Variants in ADGRD1 observed in about 807,000 individuals in gnomAD.
The protein encoded by ADGRD1 is G-protein coupled receptor 133.
In ADGRD1, 77 loss-of-function variants were observed where a neutral mutation model predicts 113.4. The observed-to-expected ratio is 0.68, with a 90% CI of 0.57 to 0.82. The LOEUF is 0.82. ADGRD1 is among the 40% of genes least tolerant of loss of function. The pLI is 0.00. For missense variants in ADGRD1, 1,036 were observed against 1,139.1 expected, an observed-to-expected ratio of 0.91 and a Z score of 1.30; for synonymous variants, 474 against 475.0, an observed-to-expected ratio of 1.00 and a Z score of 0.03.
At chr12:130,964,666 C>A (rs919063180) in intron 2 of ADGRD1, among the ~76,000 whole-genome samples, 1 of 152,186 alleles carries the variant, frequency 6.6e-6, no homozygotes, top group Non-Finnish European at 1.5e-5. Flanking sequence ...GCCTGGGCAA[C>A]AACAGCGAAG....
rs777560753 is a variant in ADGRD1, at chr12:131,104,891, G to A, written c.1732G>A (p.Val578Met). The A allele has an allele frequency of 4.8e-5, 75 of 1,551,400 alleles. No homozygotes were observed. The highest frequency in any genetic ancestry group is 4.5e-5 in the Non-Finnish European group (52 of 1,147,272). Reference protein sequence around the residue: ...SISYVGCSLSVLCLVATLVTF... With the variant: ...SISYVGCSLSMLCLVATLVTF... ...CAGCTATGTGGGCTGCTCCCTCTCC[G>A]TGCTCTGCCTGGTGGCCACGCTGGT... Residue 578 changes from valine to methionine, a missense_variant, in exon 16 of 25, where the codon GTG becomes ATG. Transcript: ENST00000261654.
chr12:131,005,928 G>A (rs1877047921), intron 11 of ADGRD1, 44 bp from the exon 12 acceptor site: 1 of 1,498,910 alleles, frequency 6.7e-7, no homozygotes, highest in Non-Finnish European at 9.2e-7. Flanking sequence ...TCCTGCCTGT[G>A]GCCTGGAGCG....
intron 15 of ADGRD1, among the ~76,000 whole-genome samples, chr12:131,094,999 C>T (rs951500217): frequency 7.2e-5 from 11 of 151,768 alleles, no homozygotes; most frequent in African/African-American, 2.7e-4. Flanking sequence ...TCCCTCGAGA[C>T]GCCCCCTCTC....
At chr12:131,126,967 G>A (rs1052326225) in intron 20 of ADGRD1, among the ~76,000 whole-genome samples, 4 of 152,098 alleles carry the variant, frequency 2.6e-5, no homozygotes, top group Admixed American at 2.6e-4. Flanking sequence ...TCAGATTTGT[G>A]CCACTCGCAG....
At chr12:130,957,804 C>G (rs1239545212) in intron 2 of ADGRD1, 2 of 152,296 alleles carry the variant, frequency 1.3e-5, no homozygotes, top group Non-Finnish European at 2.9e-5. Context: ...TGTGGAAAAG[C>G]ACAGTGAAGG....
intron 2 of ADGRD1, among the ~76,000 whole-genome samples, chr12:130,960,091 T>A (rs1486202624): frequency 1.3e-5 from 2 of 152,162 alleles, no homozygotes; most frequent in Non-Finnish European, 2.9e-5. Flanking sequence ...TTAATCTGAA[T>A]CCATAAATGG....
At chr12:131,062,113 G>A (rs940940809) in intron 13 of ADGRD1, among the ~76,000 whole-genome samples, 4 of 152,032 alleles carry the variant, frequency 2.6e-5, no homozygotes, top group Non-Finnish European at 4.4e-5. Flanking sequence ...TGCAACCTCC[G>A]CCTCCCAGAT....
At chr12:131,068,577 G>C (rs1380575617) in intron 13 of ADGRD1, among the ~76,000 whole-genome samples, 1 of 152,150 alleles carries the variant, frequency 6.6e-6, no homozygotes, top group Non-Finnish European at 1.5e-5. Flanking sequence ...ATGAACCCCT[G>C]ACTATTCTCA....
intron 13 of ADGRD1, among the ~76,000 whole-genome samples, chr12:131,029,492 C>CT (rs1880362646): frequency 6.6e-6 from 1 of 151,570 alleles, no homozygotes; most frequent in South Asian, 2.1e-4. Flanking sequence ...TTGTGGGACT[C>CT]TCGTACGGTG....
intron 3 of ADGRD1, chr12:130,968,940 C>G (rs1208307954): frequency 8.3e-6 from 10 of 1,210,830 alleles, no homozygotes; most frequent in Non-Finnish European, 1.1e-5. Flanking sequence ...TTGTCTCACT[C>G]ACTTGCTGTG....
chr12:131,076,965 AT>A, intron 14 of ADGRD1, 91 bp downstream of exon 14: 1 of 1,020,820 alleles, frequency 9.8e-7, no homozygotes, highest in South Asian at 1.3e-5. Context: ...TGGGTCACCC[AT>A]TTCTGCAGCT....
intron 3 of ADGRD1, chr12:130,970,034 T>C (rs907745842): frequency 2.0e-5 from 3 of 152,240 alleles, no homozygotes; most frequent in African/African-American, 7.2e-5. Context: ...AAAATCAGCA[T>C]TTCGTCTGTA....
chr12:131,025,716 G>T (rs1384810170), intron 13 of ADGRD1: 1 of 152,168 alleles, frequency 6.6e-6, no homozygotes, highest in Non-Finnish European at 1.5e-5. Flanking sequence ...TGTAATTTTA[G>T]TAGTGACAGG....
chr12:131,120,397 C>G (rs1950564529), intron 19 of ADGRD1, among the ~76,000 whole-genome samples: 1 of 152,160 alleles, frequency 6.6e-6, no homozygotes, highest in African/African-American at 2.4e-5. Context: ...CCCTCTGGAA[C>G]CTTTCCTCTC....
intron 4 of ADGRD1, chr12:130,976,870 A>G (rs150923140): frequency 0.012 from 1,815 of 151,842 alleles, 19 homozygotes; most frequent in Non-Finnish European, 0.018. Flanking sequence ...AAAAAAAAAA[A>G]AAAAATTTAG....
chr12:131,078,308 C>T (rs1885807318), intron 14 of ADGRD1, among the ~76,000 whole-genome samples: 1 of 152,240 alleles, frequency 6.6e-6, no homozygotes, highest in African/African-American at 2.4e-5. Context: ...ACACTGCTTA[C>T]ATTTTTGACC....
At chr12:131,138,591 T>C (rs6486627) in intron 24 of ADGRD1, among the ~76,000 whole-genome samples, 52,216 of 151,864 alleles carry the variant, frequency 0.34, 9,220 homozygotes, top group Middle Eastern at 0.49. Context: ...GTTCTCACTG[T>C]GCCGCTGCTT....
At chr12:131,010,603 C>T (rs752392159) in intron 12 of ADGRD1, among the ~76,000 whole-genome samples, 21 of 152,164 alleles carry the variant, frequency 1.4e-4, no homozygotes, top group African/African-American at 4.1e-4. Flanking sequence ...CTTTGTGTAA[C>T]GGAAGGCGGA....
At chr12:131,068,075 G>A (rs548748920) in intron 13 of ADGRD1, among the ~76,000 whole-genome samples, 2 of 152,332 alleles carry the variant, frequency 1.3e-5, no homozygotes, top group East Asian at 3.9e-4. Context: ...TTTCAGAGAA[G>A]TCCCACCAAG....
Sources: allele counts gnomAD v4.1 joint callset (sites outside exome capture counted in the v4.1 genomes callset), GRCh38; gene constraint gnomAD v4.1.1; transcripts MANE v1.5; gene names NCBI Gene and HGNC (gene_info 2026-07-23, HGNC 2026-07-21).